Variants in ACSM1 observed in about 807,000 individuals in gnomAD.
The protein encoded by ACSM1 is acyl-CoA synthetase medium chain family member 1.
In ACSM1, 79 loss-of-function variants were observed where a neutral mutation model predicts 75.8. That is an observed-to-expected ratio of 1.04 (90% CI 0.87 to 1.26). The LOEUF is 1.26. Among genes scored for constraint, ACSM1 ranks in the 50% most tolerant of loss-of-function variants. The probability of loss-of-function intolerance (pLI) is 0.00; values close to 1 mark genes in which losing one functional copy is unlikely to be tolerated. For synonymous variants in ACSM1, 279 were observed against 265.8 expected (o/e 1.05, Z -0.48); for missense variants, 676 against 720.1 (o/e 0.94, Z 0.70).
chr16:20,637,658 C>T (rs1194796971), intron 8 of ACSM1, among the ~76,000 whole-genome samples: 1 of 152,156 alleles, frequency 6.6e-6, no homozygotes, highest in Non-Finnish European at 1.5e-5. Context: ...TTTTCTGCAG[C>T]CAGTGTGGTC....
At chr16:20,636,558 A>T (rs1318588091) in intron 10 of ACSM1, among the ~76,000 whole-genome samples, 181 bp downstream of exon 10, 1 of 152,204 alleles carries the variant, frequency 6.6e-6, no homozygotes, top group African/African-American at 2.4e-5. Flanking sequence ...ACATCCCAAA[A>T]GTTCCAGGTG....
At chr16:20,640,140 G>A (rs920757705) in intron 8 of ACSM1, among the ~76,000 whole-genome samples, 1 of 152,088 alleles carries the variant, frequency 6.6e-6, no homozygotes, top group African/African-American at 2.4e-5. Flanking sequence ...TCTGACTTAC[G>A]TTTATCTTAT....
chr16:20,666,746 T>C (rs1161741410), intron 6 of ACSM1, among the ~76,000 whole-genome samples: 1 of 152,166 alleles, frequency 6.6e-6, no homozygotes, highest in Non-Finnish European at 1.5e-5. Flanking sequence ...AGCATGGTAC[T>C]GGTACAAAAA....
In ACSM1 at chr16:20,637,464, G is replaced by C; in HGVS notation, c.1117-13C>G. 2 of 1,612,676 alleles carry C rather than the reference G, an allele frequency of 1.2e-6. No homozygotes were observed. Among genetic ancestry groups the C allele is most frequent in the South Asian group, 2.2e-5 (2 of 91,024 alleles). On this transcript the variant is annotated splice_polypyrimidine_tract_variant and intron_variant, in intron 8 of 13. Coordinates refer to ENST00000520010, the MANE Select transcript of ACSM1 (RefSeq NM_001318890.3). ...CACAAATTAGTCCCTGTTCACAAAA[G>C]AAAGAAGATTTGGGTTGATCAGAGA...
intron 6 of ACSM1, among the ~76,000 whole-genome samples, chr16:20,669,624 T>C (rs539704972): frequency 1.3e-5 from 2 of 152,230 alleles, no homozygotes; most frequent in Admixed American, 6.5e-5. Context: ...CGCCCAGTAA[T>C]ACACATTTTC....
At chr16:20,655,266 G>A (rs972197660) in intron 7 of ACSM1, among the ~76,000 whole-genome samples, 2 of 114,302 alleles carry the variant, frequency 1.7e-5, no homozygotes, top group African/African-American at 6.6e-5. Flanking sequence ...GGGGAGGGGG[G>A]AGGGAGCACA....
At chr16:20,630,044 A>G (rs1210920101) in intron 10 of ACSM1, among the ~76,000 whole-genome samples, 1 of 151,976 alleles carries the variant, frequency 6.6e-6, no homozygotes, top group Non-Finnish European at 1.5e-5. Flanking sequence ...ATGGATAAAA[A>G]TATATTCCCT....
chr16:20,639,805 A>G (rs749168045), intron 8 of ACSM1, among the ~76,000 whole-genome samples: 6 of 152,146 alleles, frequency 3.9e-5, no homozygotes, highest in Non-Finnish European at 7.4e-5. Context: ...TCCAGAAGGG[A>G]CCTTTCCACT....
chr16:20,653,105 A>C (rs1227223463), intron 7 of ACSM1, among the ~76,000 whole-genome samples: 10 of 152,244 alleles, frequency 6.6e-5, no homozygotes, highest in Admixed American at 6.5e-4. Flanking sequence ...CAACATATGC[A>C]AATCTATAAA....
intron 7 of ACSM1, among the ~76,000 whole-genome samples, chr16:20,650,667 G>GAA (rs111779003): frequency 1.6e-5 from 2 of 125,874 alleles, no homozygotes; most frequent in Non-Finnish European, 1.8e-5. Flanking sequence ...CTCCTCTTAA[G>GAA]AAAAAAAAAA....
Position 20,682,349 on chromosome 16 carries a change from T to C in ACSM1, c.518A>G (p.Asp173Gly), listed in dbSNP as rs934493907. ...VTIDALASEV[D>G]SIASQCPSLK... ...AGAGGGGCACTGAGAAGCTATGGAG[T>C]CCACCTCTGAGGCAAGGGCATCTAT... Residue 173 changes from aspartate (D) to glycine (G), a missense_variant, in exon 4 of 14, where the codon GAC (aspartate) becomes GGC (glycine). Transcript: ENST00000520010. 1 of 1,613,716 alleles carries C rather than the reference T, an allele frequency of 6.2e-7. No individual in the cohort carries two copies. The highest frequency in any genetic ancestry group is 8.5e-7 in the Non-Finnish European group (1 of 1,179,928).
intron 10 of ACSM1, among the ~76,000 whole-genome samples, chr16:20,636,291 C>CT (rs375826434): frequency 7.2e-5 from 11 of 152,072 alleles, no homozygotes; most frequent in African/African-American, 2.2e-4. Flanking sequence ...CTGGTTTTTA[C>CT]TTTTTTTTAA....
At chr16:20,627,869 C>CATATATATATATATAT (rs61366465) in intron 10 of ACSM1, among the ~76,000 whole-genome samples, 2 of 77,540 alleles carry the variant, frequency 2.6e-5, no homozygotes, top group Non-Finnish European at 4.8e-5. Context: ...TGTATGTATA[C>CATATATATATATATAT]ATATATATAT....
rs1317523985 is a variant in ACSM1, at chr16:20,648,889, TC to T, written c.993-8306del. On this transcript the variant is annotated intron_variant, in intron 7 of 13. Transcript: ENST00000520010. The surrounding 1 kb of genome is among the most constrained non-coding windows in gnomAD (Gnocchi z 4.2). ...GACCAATCACCTTGGGCACATGTTC[TC>T]AAGATCTGCTGAGGCTGTGTCACAG... Among the ~76,000 whole-genome samples the T allele has an allele frequency of 2.0e-5, 3 of 152,244 alleles. No individual in the cohort carries two copies. Among genetic ancestry groups the T allele is most frequent in the Admixed American group, 6.5e-5 (1 of 15,276 alleles).
intron 7 of ACSM1, among the ~76,000 whole-genome samples, chr16:20,645,504 T>G (rs528469084): frequency 5.3e-5 from 8 of 152,372 alleles, no homozygotes; most frequent in African/African-American, 1.9e-4. Flanking sequence ...ATAACCCTGA[T>G]GGCTACATTG....
intron 10 of ACSM1, among the ~76,000 whole-genome samples, chr16:20,630,656 C>T (rs1375752254): frequency 6.6e-6 from 1 of 152,180 alleles, no homozygotes; most frequent in African/African-American, 2.4e-5. Context: ...ACTCGAACAC[C>T]ACCACAAATT....
At chr16:20,655,819 C>A (rs969535195) in intron 7 of ACSM1, among the ~76,000 whole-genome samples, 7 of 152,084 alleles carry the variant, frequency 4.6e-5, no homozygotes, top group Non-Finnish European at 1.0e-4. Flanking sequence ...GGCACCACCA[C>A]CCCTGGCTAA....
intron 4 of ACSM1, among the ~76,000 whole-genome samples, chr16:20,675,691 A>G (rs2020237064): frequency 6.6e-6 from 1 of 152,230 alleles, no homozygotes; most frequent in Non-Finnish European, 1.5e-5. Flanking sequence ...TGGCTGACCA[A>G]TGGCACTATA....
chr16:20,690,940 G>C, intron 2 of ACSM1, 57 bp downstream of exon 2: 3 of 1,545,878 alleles, frequency 1.9e-6, no homozygotes, highest in Non-Finnish European at 2.6e-6. Context: ...GTAGGAGCAA[G>C]ATAAGGAAAG....
Sources: gnomAD v4.1 joint callset for allele counts (sites outside exome capture counted in the v4.1 genomes callset) on GRCh38, gnomAD v4.1.1 for gene constraint, Gnocchi (gnomAD v3.1) non-coding constraint, MANE v1.5 for transcripts, NCBI Gene and HGNC (gene_info 2026-07-23, HGNC 2026-07-21) for gene names.